The following STYXL1 variants were observed in gnomAD, a reference collection of about 807,000 sequenced individuals.
STYXL1 encodes the protein serine/threonine/tyrosine interacting like 1.
STYXL1 carries 32 observed loss-of-function variants against 36.4 expected under a neutral mutation model. That is an observed-to-expected ratio of 0.88 (90% CI 0.66 to 1.18). The LOEUF (loss-of-function observed/expected upper bound fraction) is 1.18, where lower values mean the gene tolerates loss of function less well. STYXL1 is among the 50% of genes most tolerant of loss of function. The pLI, the probability that STYXL1 is intolerant of heterozygous loss-of-function variation, is 0.00. For missense variants in STYXL1, 354 were observed against 394.1 expected (o/e 0.90, Z 0.86); for synonymous variants, 133 against 144.1 (o/e 0.92, Z 0.55).
intron 2 of STYXL1, among the ~76,000 whole-genome samples, chr7:76,029,999 A>C (rs6964643): frequency 0.11 from 16,844 of 147,660 alleles, 1,806 homozygotes; most frequent in African/African-American, 0.28. Context: ...CTTCTTTTTT[A>C]TTTTTTTTTT....
chr7:75,997,189 T>TG (rs1790232761), intron 8 of STYXL1, among the ~76,000 whole-genome samples: 1 of 151,860 alleles, frequency 6.6e-6, no homozygotes. Context: ...CCTGGCACTT[T>TG]GGGGGGCCGA....
At chr7:76,014,271 G>A (rs966582236) in intron 4 of STYXL1, among the ~76,000 whole-genome samples, 6 of 151,828 alleles carry the variant, frequency 4.0e-5, no homozygotes, top group Admixed American at 1.3e-4. Context: ...CACCATGCCC[G>A]GCTTGAAATG....
At chr7:76,013,714 C>T in intron 5 of STYXL1, 28 bp downstream of exon 5, 1 of 1,613,650 alleles carries the variant, frequency 6.2e-7, no homozygotes, top group African/African-American at 1.3e-5. Context: ...CCCGTCTGGG[C>T]CTGCCTGTGC....
At chr7:76,029,694 C>T (rs1795109160) in intron 2 of STYXL1, among the ~76,000 whole-genome samples, 1 of 147,342 alleles carries the variant, frequency 6.8e-6, no homozygotes, top group South Asian at 2.1e-4. Flanking sequence ...TAGACGGTCC[C>T]TTCTGGGGGT....
chr7:76,013,687 T>C, intron 5 of STYXL1, 55 bp downstream of exon 5: 4 of 1,611,782 alleles, frequency 2.5e-6, no homozygotes, highest in South Asian at 1.1e-5. Context: ...CACAAGTCAG[T>C]TTCTAGGCCC....
chr7:76,026,399 C>T (rs782658508), intron 3 of STYXL1, among the ~76,000 whole-genome samples: 40 of 151,804 alleles, frequency 2.6e-4, no homozygotes, highest in Non-Finnish European at 5.2e-4. Flanking sequence ...CCCATCTCGG[C>T]CTCCCAAGTA....
At chr7:76,005,843 GAA>G (rs1554570029) in intron 5 of STYXL1, among the ~76,000 whole-genome samples, 890 of 22,954 alleles carry the variant, frequency 0.039, 6 homozygotes, top group Middle Eastern at 0.24. Flanking sequence ...AGAGGAGGAG[GAA>G]GAGAGAGGAG....
Position 75,996,615 on chromosome 7 carries a change from G to A in STYXL1, c.811-16C>T. 13 of 1,613,484 alleles carry A rather than the reference G, an allele frequency of 8.1e-6. No individual in the cohort carries two copies. The highest frequency in any genetic ancestry group is 1.1e-5 in the Non-Finnish European group (13 of 1,179,534). On this transcript the variant is annotated splice_polypyrimidine_tract_variant and intron_variant, in intron 8 of 8. Transcript: ENST00000359697. ...CCCAGGACCTCTATGAATACAAAGA[G>A]AGAAAGTGAACTTCACGATTGGTCC...
chr7:76,024,464 C>G (rs553553046), intron 3 of STYXL1, among the ~76,000 whole-genome samples: 2 of 151,750 alleles, frequency 1.3e-5, no homozygotes, highest in Admixed American at 1.3e-4. Flanking sequence ...ACAAAAAATA[C>G]AAGTTAGCTG....
At chr7:76,030,599 G>A (rs562617042) in intron 1 of STYXL1, 72 bp from the exon 2 acceptor site, 1 of 889,474 alleles carries the variant, frequency 1.1e-6, no homozygotes, top group Non-Finnish European at 1.9e-6. Flanking sequence ...GTAATATAAT[G>A]AATTAAACTC....
intron 1 of STYXL1, among the ~76,000 whole-genome samples, chr7:76,043,110 C>T (rs76680062): frequency 0.011 from 1,625 of 152,306 alleles, 11 homozygotes; most frequent in Non-Finnish European, 0.017. Flanking sequence ...AGAAGGCCAA[C>T]TAGTAGCTAT....
At position 76,005,317 on chromosome 7, in the gene STYXL1, T is replaced by A; in HGVS notation, c.541A>T (p.Ile181Phe). The stretch of plus-strand genomic sequence containing the variant: ...GCTTTGATTTTCAAGTCCTTCTGAA[T>A]CTTGGGGTCACAGGCTTGACTGAAA... The part of the protein sequence containing the change: ...GNFSQACDPK[I>F]QKDLKIKAHV... The change falls in exon 6 of 9, where the codon ATT (isoleucine) becomes TTT (phenylalanine). Residue 181 changes from isoleucine (I) to phenylalanine (F), a missense_variant. Transcript: ENST00000359697. 3.1e-6 allele frequency: 5 copies of A among 1,613,238 alleles called. No individual in the cohort carries two copies. Among genetic ancestry groups the A allele is most frequent in the Non-Finnish European group, 4.2e-6 (5 of 1,179,366 alleles).
rs193135698 is a variant in STYXL1, at chr7:76,047,086, C to A, written c.-5+576G>T. ...ACCAGCCTGACCAACGTGGTGAAAC[C>A]CCGTCTCTACTAAAAAAAAAATACA... On this transcript the variant is annotated intron_variant, in intron 1 of 8. Coordinates refer to ENST00000359697, the MANE Select transcript of STYXL1 (RefSeq NM_001317785.2). Among the ~76,000 whole-genome samples the A allele has an allele frequency of 3.9e-3, 203 of 51,764 alleles. 8 individuals carry two copies. The South Asian group carries it at 0.16, about 40-fold the overall frequency. The allele number at this position is 51,764 out of a possible 152,430, so 34.0% of individuals were successfully genotyped here.
chr7:76,003,648 C>G, intron 7 of STYXL1, 110 bp downstream of exon 7: 1 of 1,011,220 alleles, frequency 9.9e-7, no homozygotes, highest in Non-Finnish European at 1.5e-6. Flanking sequence ...CCCTTTCTCT[C>G]TAGAGCATGG....
At chr7:76,004,842 A>G (rs1791456294) in intron 6 of STYXL1, among the ~76,000 whole-genome samples, 1 of 151,744 alleles carries the variant, frequency 6.6e-6, no homozygotes, top group African/African-American at 2.4e-5. Flanking sequence ...TCTACTAAAA[A>G]TACAAAAAAC....
chr7:76,046,339 T>TGTGTGTGTGTGTGTGC (rs1797056612), intron 1 of STYXL1, among the ~76,000 whole-genome samples: 1 of 44,908 alleles, frequency 2.2e-5, no homozygotes, highest in African/African-American at 7.3e-5. Flanking sequence ...TGTGTGTGTG[T>TGTGTGTGTGTGTGTGC]GCGCGCGCGC....
intron 4 of STYXL1, among the ~76,000 whole-genome samples, chr7:76,014,819 G>T (rs887916143): frequency 6.6e-6 from 1 of 152,046 alleles, no homozygotes; most frequent in Non-Finnish European, 1.5e-5. Flanking sequence ...TATGTCAACT[G>T]TATGTTGTGT....
rs1293571870 is a variant in STYXL1 at position 76,027,947 on chromosome 7, T to C, written c.165+695A>G. ...AGTGCAACCCCATTTCTATAAAAAA[T>C]ACAAAAATTAGCCAGGCCTGGTGGC... On this transcript the variant is annotated intron_variant, in intron 3 of 8. Transcript: ENST00000359697. 3.3e-5 allele frequency among the ~76,000 whole-genome samples: 5 copies of C among 152,080 alleles called. No homozygotes were observed. In the East Asian group the frequency reaches 9.7e-4, roughly 30 times the overall value.
chr7:76,038,145 T>C (rs1418331684), intron 1 of STYXL1, among the ~76,000 whole-genome samples: 2 of 150,168 alleles, frequency 1.3e-5, no homozygotes, highest in Admixed American at 1.3e-4. Context: ...CATGGCTCAC[T>C]GCAGCCTCAA....
Sources: gnomAD v4.1 joint callset for allele counts (sites outside exome capture counted in the v4.1 genomes callset) on GRCh38, gnomAD v4.1.1 for gene constraint, MANE v1.5 for transcripts, NCBI Gene and HGNC (gene_info 2026-07-23, HGNC 2026-07-21) for gene names.